Variants in CDC42BPB observed in about 807,000 individuals in gnomAD.
CDC42BPB encodes the protein CDC42 binding protein kinase beta, also known as serine/threonine-protein kinase MRCK beta.
Under a neutral mutation model 214.9 loss-of-function variants are expected in CDC42BPB, and 37 were observed. That is an observed-to-expected ratio of 0.17 (90% CI 0.13 to 0.23). CDC42BPB has a LOEUF of 0.23. Ranked by LOEUF, CDC42BPB falls within the 10% of genes least tolerant of loss-of-function variation. The pLI, the probability that CDC42BPB is intolerant of heterozygous loss-of-function variation, is 1.00. For missense variants in CDC42BPB, 1,694 were observed against 2,227.0 expected (o/e 0.76, Z 4.82); for synonymous variants, 931 against 884.0 (o/e 1.05, Z -0.94).
Position 102,954,195 on chromosome 14 carries a change from T to G in CDC42BPB, c.3066+3A>C. On this transcript the variant is annotated splice_donor_region_variant and intron_variant, in intron 23 of 36. Transcript: ENST00000361246. ...GCGCCCCGGGTGAAAGCAAGGCCCC[T>G]ACCTTCGGTCCAGCCAGAGCCAGGG... 6.5e-7 allele frequency: 1 copy of G among 1,546,040 alleles called. No homozygotes were observed.
intron 20 of CDC42BPB, 128 bp from the exon 21 acceptor site, chr14:102,959,838 TAAAA>T (rs35833302): frequency 1.1e-3 from 754 of 716,718 alleles, no homozygotes; most frequent in Non-Finnish European, 1.1e-3. Context: ...TGATCACAAT[TAAAA>T]AAAAAAAAAA....
In CDC42BPB at chr14:102,943,634, G is replaced by T. The variant is rs534583894; in HGVS notation, c.4408+257C>A. 2.6e-5 allele frequency among the ~76,000 whole-genome samples: 4 copies of T among 152,308 alleles called. No individual in the cohort carries two copies. The East Asian group carries it at 5.8e-4, about 22-fold the overall frequency. On this transcript the variant is annotated intron_variant, in intron 30 of 36. Transcript: ENST00000361246. The surrounding 1 kb of genome is among the most constrained non-coding windows in gnomAD (Gnocchi z 4.6). ...CCAGGGGCCTATGCCCGCCGACGGGGTCCTCTGCTGAGGCCTCTGGAAGAA... is the reference window on the plus strand; with the variant it reads ...CCAGGGGCCTATGCCCGCCGACGGGTTCCTCTGCTGAGGCCTCTGGAAGAA...
chr14:102,971,894 A>C (rs1247883658), intron 13 of CDC42BPB, 25 bp downstream of exon 13: 2 of 1,605,792 alleles, frequency 1.2e-6, no homozygotes, highest in Non-Finnish European at 1.7e-6. Context: ...AGTCGATACC[A>C]TCCCTGAACC....
At chr14:103,013,483 C>A (rs1886274100) in intron 1 of CDC42BPB, among the ~76,000 whole-genome samples, 1 of 152,204 alleles carries the variant, frequency 6.6e-6, no homozygotes, top group Non-Finnish European at 1.5e-5. Flanking sequence ...GTGTCCCCAG[C>A]AAAACTCATG....
At position 103,041,487 on chromosome 14, in the gene CDC42BPB, G is replaced by A. The variant is rs1595183314; in HGVS notation, c.175+15512C>T. On this transcript the variant is annotated intron_variant, in intron 1 of 36. Transcript: ENST00000361246. ...GGCAGCCATGGCGCCCAGCCAGAAT[G>A]GCATGGAAGCCCCACTTCCACAAGG... 3.0e-6 allele frequency: 4 copies of A among 1,320,690 alleles called. No individual in the cohort carries two copies. In the East Asian group the frequency reaches 9.4e-5, roughly 31 times the overall value. 81.8% of individuals were successfully genotyped at this position (1,320,690 alleles called of 1,614,324 possible). A position where few individuals can be genotyped will look rare whatever the true frequency, so the allele number is the denominator to read the frequency against.
intron 5 of CDC42BPB, among the ~76,000 whole-genome samples, chr14:102,992,849 CAG>C (rs1374640519): frequency 1.3e-5 from 2 of 150,374 alleles, no homozygotes; most frequent in East Asian, 1.9e-4. Context: ...ATTTTTGAGA[CAG>C]AGTCTCACTC....
intron 19 of CDC42BPB, 111 bp downstream of exon 19, chr14:102,964,391 C>T: frequency 7.5e-7 from 1 of 1,326,120 alleles, no homozygotes; most frequent in Non-Finnish European, 1.0e-6. Flanking sequence ...CCAGCAAACG[C>T]CGTGGCCCCG....
At position 103,045,948 on chromosome 14, in the gene CDC42BPB, A is replaced by T. The variant is rs529850696; in HGVS notation, c.175+11051T>A. ...GTACGACAAGGGATGACAGCAGACT[A>T]GAAATGTCAACACGATTTTGCAGAG... On this transcript the variant is annotated intron_variant, in intron 1 of 36. Transcript: ENST00000361246. Among the ~76,000 whole-genome samples the T allele has an allele frequency of 3.3e-5, 5 of 152,344 alleles. No homozygotes were observed. The East Asian group carries it at 9.6e-4, about 29-fold the overall frequency.
chr14:103,005,847 C>T (rs138014493), intron 3 of CDC42BPB, among the ~76,000 whole-genome samples: 3,382 of 152,016 alleles, frequency 0.022, 54 homozygotes, highest in South Asian at 0.05. Flanking sequence ...TGGTGAAACC[C>T]CGTCTCTACT....
At chr14:102,938,981 G>A (rs1891764962) in intron 34 of CDC42BPB, among the ~76,000 whole-genome samples, 1 of 149,796 alleles carries the variant, frequency 6.7e-6, no homozygotes, top group Non-Finnish European at 1.5e-5. Context: ...CTGTCACCCA[G>A]GCTGGAGTGC....
In CDC42BPB at chr14:102,945,717, G is replaced by C; in HGVS notation, c.3756C>G (p.Asp1252Glu). The C allele has an allele frequency of 6.2e-7, 1 of 1,612,826 alleles. No individual in the cohort carries two copies. Among genetic ancestry groups the C allele is most frequent in the South Asian group, 1.1e-5 (1 of 91,070 alleles). Residue 1252 changes from aspartate to glutamate, a missense_variant, in exon 29 of 37, where the codon GAC becomes GAG. Physicochemically the swap from Asp to Glu is conservative, Grantham distance 45. Coordinates refer to ENST00000361246, the MANE Select transcript of CDC42BPB (RefSeq NM_006035.4). ...CTTCTTCTAGGCCGACTGCAATCCT[G>C]TCTGCATCTGTGGAGGGGTAAGTAA... ...AILTAAIVDA[D>E]RIAVGLEEGL... is the part of the protein sequence containing the mutation.
intron 18 of CDC42BPB, 31 bp from the exon 19 acceptor site, chr14:102,964,681 A>T: frequency 1.9e-6 from 3 of 1,571,586 alleles, no homozygotes; most frequent in Non-Finnish European, 2.6e-6. Context: ...TTAAAAATGC[A>T]TTTTCAGTTA....
intron 1 of CDC42BPB, among the ~76,000 whole-genome samples, chr14:103,033,414 G>A (rs1887501515): frequency 6.6e-6 from 1 of 151,964 alleles, no homozygotes; most frequent in South Asian, 2.1e-4. Flanking sequence ...AGTAGAGACG[G>A]GGTTTCACTG....
rs557699946 is a variant in CDC42BPB at position 103,051,361 on chromosome 14, T to C, written c.175+5638A>G. Among the ~76,000 whole-genome samples the C allele has an allele frequency of 3.3e-5, 5 of 150,238 alleles. No individual in the cohort carries two copies. The South Asian group carries it at 1.1e-3, about 32-fold the overall frequency. On this transcript the variant is annotated intron_variant, in intron 1 of 36. Transcript: ENST00000361246. ...AAAAACAAACGTGGTCAAGGACTAA[T>C]AGGTATTATGTTATGGGTTTTGGGA...
chr14:102,938,041 G>T, intron 36 of CDC42BPB, 63 bp downstream of exon 36: 1 of 1,552,054 alleles, frequency 6.4e-7, no homozygotes. Context: ...CCAGATCTTC[G>T]GGCTGCTTTT....
Position 103,057,251 on chromosome 14 carries a change from G to T in CDC42BPB, c.-78C>A. On this transcript the variant is annotated 5_prime_UTR_variant, in exon 1 of 37. Transcript: ENST00000361246. ...AGTCCGTCAGGGCGCGCCCTCGGGG[G>T]CTCGGCGGCTGCGAGCCCCGGCAGC... 8.4e-7 allele frequency: 1 copy of T among 1,194,188 alleles called. No individual in the cohort carries two copies. 74.0% of individuals were successfully genotyped at this position (1,194,188 alleles called of 1,614,324 possible).
chr14:103,044,418 C>T (rs559374871), intron 1 of CDC42BPB, among the ~76,000 whole-genome samples: 5 of 147,632 alleles, frequency 3.4e-5, no homozygotes, highest in Non-Finnish European at 5.9e-5. Flanking sequence ...CACCCAGGCT[C>T]GAGTGCACTG....
intron 8 of CDC42BPB, among the ~76,000 whole-genome samples, chr14:102,979,064 T>G (rs1434957190): frequency 6.6e-6 from 1 of 152,134 alleles, no homozygotes; most frequent in African/African-American, 2.4e-5. Context: ...TGGAAGGAGT[T>G]GGAGTCTGGA....
intron 5 of CDC42BPB, among the ~76,000 whole-genome samples, chr14:102,987,970 T>C (rs1894324754): frequency 1.3e-5 from 2 of 151,178 alleles, no homozygotes; most frequent in East Asian, 1.9e-4. Flanking sequence ...CAAGACCCTG[T>C]CTCAAAACAC....
Sources: gnomAD v4.1 joint callset for allele counts (sites outside exome capture counted in the v4.1 genomes callset) on GRCh38, gnomAD v4.1.1 for gene constraint, Gnocchi (gnomAD v3.1) non-coding constraint, MANE v1.5 for transcripts, NCBI Gene and HGNC (gene_info 2026-07-23, HGNC 2026-07-21) for gene names.